Variants in TBC1D22A observed in about 807,000 individuals in gnomAD.
The protein encoded by TBC1D22A is TBC1 domain family member 22A.
In TBC1D22A, 38 loss-of-function variants were observed where a neutral mutation model predicts 60.2. That is an observed-to-expected ratio of 0.63 (90% CI 0.49 to 0.83). The LOEUF is 0.83. TBC1D22A is among the 40% of genes least tolerant of loss of function. The probability of loss-of-function intolerance (pLI) is 0.00; values close to 1 mark genes in which losing one functional copy is unlikely to be tolerated. For synonymous variants in TBC1D22A, 302 were observed against 281.7 expected, an observed-to-expected ratio of 1.07 and a Z score of -0.72; for missense variants, 628 against 701.0, an observed-to-expected ratio of 0.90 and a Z score of 1.18.
rs914915091 is a variant in TBC1D22A at position 47,100,651 on chromosome 22, A to G, written c.1330-10857A>G. On this transcript the variant is annotated intron_variant, in intron 11 of 12. Coordinates refer to ENST00000337137, the MANE Select transcript of TBC1D22A (RefSeq NM_014346.5). ...CTCTCTCCTTTTTTGGCCTGCCACC[A>G]TCCACGTAAGACGTGACTTGCTCCT... Among the ~76,000 whole-genome samples the G allele has an allele frequency of 3.3e-5, 5 of 152,208 alleles. No homozygotes were observed. In the East Asian group the frequency reaches 5.8e-4, roughly 18 times the overall value.
In TBC1D22A at chr22:46,971,571, G is replaced by A. The variant is rs556430496; in HGVS notation, c.1016-2719G>A. Among the ~76,000 whole-genome samples, 16 of 152,328 alleles carry A rather than the reference G, an allele frequency of 1.1e-4. No individual in the cohort carries two copies. In the South Asian group the frequency reaches 3.1e-3, roughly 30 times the overall value. ...TTTCCCAGGGAGGAAGTGATGCCAGGGGGAGGCCACTTACCCTCCTGTCTA... is the reference window on the plus strand; with the variant it reads ...TTTCCCAGGGAGGAAGTGATGCCAGAGGGAGGCCACTTACCCTCCTGTCTA... On this transcript the variant is annotated intron_variant, in intron 8 of 12. Coordinates refer to ENST00000337137, the MANE Select transcript of TBC1D22A (RefSeq NM_014346.5).
chr22:46,790,219 C>T (rs1001685640), intron 1 of TBC1D22A, among the ~76,000 whole-genome samples: 2 of 152,374 alleles, frequency 1.3e-5, no homozygotes, highest in East Asian at 1.9e-4. Flanking sequence ...AAGCCGCCCA[C>T]GTTCCTTGGC....
chr22:46,831,957 T>C lies in TBC1D22A; in HGVS notation c.637+34337T>C, dbSNP rs1395690069. Among the ~76,000 whole-genome samples, 3 of 151,774 alleles carry C rather than the reference T, an allele frequency of 2.0e-5. No individual in the cohort carries two copies. In the East Asian group the frequency reaches 5.8e-4, roughly 29 times the overall value. On this transcript the variant is annotated intron_variant, in intron 4 of 12. Transcript: ENST00000337137. ...GTGTTATCAATGTTGGAAGGTCCTT[T>C]CCCCCCTCATTATTATTGTATCTTT...
chr22:47,058,358 G>A (rs1569401309), intron 11 of TBC1D22A, among the ~76,000 whole-genome samples: 1 of 151,972 alleles, frequency 6.6e-6, no homozygotes, highest in African/African-American at 2.4e-5. Context: ...GATTCCACCC[G>A]CCCGACAGAA....
chr22:47,143,907 G>T lies in TBC1D22A; in HGVS notation c.1426-29591G>T, dbSNP rs539818062. Among the ~76,000 whole-genome samples, 552 of 152,338 alleles carry T rather than the reference G, an allele frequency of 3.6e-3. 1 individual carries two copies. The highest frequency in any genetic ancestry group is 6.0e-3 in the Non-Finnish European group (407 of 68,032). ...ACACCGGAAACACGTGGAGAGGTGT[G>T]CACTTACGGCAGGCCCGCTGCCTTC... On this transcript the variant is annotated intron_variant, in intron 12 of 12. Coordinates refer to ENST00000337137, the MANE Select transcript of TBC1D22A (RefSeq NM_014346.5).
At position 46,968,385 on chromosome 22, in the gene TBC1D22A, G is replaced by T. The variant is rs375325328; in HGVS notation, c.1016-5905G>T. Among the ~76,000 whole-genome samples the T allele has an allele frequency of 2.0e-5, 3 of 152,390 alleles. No individual in the cohort carries two copies. The East Asian group carries it at 5.8e-4, about 29-fold the overall frequency. On this transcript the variant is annotated intron_variant, in intron 8 of 12. Coordinates refer to ENST00000337137, the MANE Select transcript of TBC1D22A (RefSeq NM_014346.5). ...GCGCAGCGTGGCATGGACCCCACAG[G>T]GGGCTTTTGGATGGAGTGGGATCAT... is the stretch of plus-strand genomic sequence containing the variant.
At chr22:46,767,521 A>G (rs935939046) in intron 1 of TBC1D22A, among the ~76,000 whole-genome samples, 4 of 152,214 alleles carry the variant, frequency 2.6e-5, no homozygotes, top group African/African-American at 7.2e-5. Flanking sequence ...AGTGAACAAA[A>G]TAGACCTAGA....
intron 4 of TBC1D22A, among the ~76,000 whole-genome samples, chr22:46,856,380 G>T (rs190325607): frequency 4.7e-4 from 71 of 152,344 alleles, no homozygotes; most frequent in Admixed American, 1.2e-3. Context: ...AGGGGTTTGA[G>T]CTGAGTCCTG....
At chr22:46,901,736 T>A (rs1338171364) in intron 7 of TBC1D22A, among the ~76,000 whole-genome samples, 1 of 152,208 alleles carries the variant, frequency 6.6e-6, no homozygotes, top group African/African-American at 2.4e-5. Context: ...TGAATCATGT[T>A]GCAGAAACTT....
At chr22:47,019,452 G>A (rs908036857) in intron 10 of TBC1D22A, among the ~76,000 whole-genome samples, 10 of 152,218 alleles carry the variant, frequency 6.6e-5, no homozygotes, top group Admixed American at 5.9e-4. Context: ...CTGTGACAGC[G>A]AGCGTGAAGG....
intron 4 of TBC1D22A, among the ~76,000 whole-genome samples, chr22:46,834,776 C>T (rs1200313604): frequency 1.3e-5 from 2 of 152,194 alleles, no homozygotes; most frequent in Non-Finnish European, 2.9e-5. Flanking sequence ...GCAGACACCC[C>T]CACCTAGCCC....
intron 10 of TBC1D22A, among the ~76,000 whole-genome samples, chr22:47,012,336 C>T (rs994330717): frequency 1.3e-5 from 2 of 152,170 alleles, no homozygotes; most frequent in African/African-American, 2.4e-5. Context: ...GCCCTCCTGC[C>T]CCTGAGCCAT....
At chr22:46,883,181 A>T (rs189414434) in intron 5 of TBC1D22A, among the ~76,000 whole-genome samples, 3 of 152,366 alleles carry the variant, frequency 2.0e-5, no homozygotes, top group African/African-American at 7.2e-5. Context: ...AAAAATGATG[A>T]GTGAAGCTCC....
intron 11 of TBC1D22A, among the ~76,000 whole-genome samples, chr22:47,087,806 T>G (rs1333475856): frequency 6.6e-6 from 1 of 152,148 alleles, no homozygotes; most frequent in Non-Finnish European, 1.5e-5. Flanking sequence ...CCAGGCGTGG[T>G]GGCTCATGCC....
At chr22:46,888,940 G>T (rs1023197148) in intron 5 of TBC1D22A, among the ~76,000 whole-genome samples, 16 of 152,306 alleles carry the variant, frequency 1.1e-4, no homozygotes, top group Middle Eastern at 3.4e-3. Flanking sequence ...TCCTGACGTC[G>T]TGATCTGCCT....
At chr22:46,855,738 G>T (rs977058273) in intron 4 of TBC1D22A, among the ~76,000 whole-genome samples, 2 of 152,168 alleles carry the variant, frequency 1.3e-5, no homozygotes, top group Non-Finnish European at 2.9e-5. Flanking sequence ...GAGCCAGCCG[G>T]GGGGGTTGAT....
intron 6 of TBC1D22A, among the ~76,000 whole-genome samples, chr22:46,892,891 A>G (rs1336580485): frequency 6.6e-6 from 1 of 152,246 alleles, no homozygotes; most frequent in East Asian, 1.9e-4. Flanking sequence ...AATATAGATG[A>G]GACACGCCTG....
chr22:47,045,225 C>T (rs999957899), intron 11 of TBC1D22A, among the ~76,000 whole-genome samples: 2 of 152,188 alleles, frequency 1.3e-5, no homozygotes, highest in African/African-American at 4.8e-5. Context: ...CTGCGTGGCA[C>T]CTGGCTGCAC....
chr22:47,067,407 A>G (rs1157888562), intron 11 of TBC1D22A, among the ~76,000 whole-genome samples: 2 of 152,226 alleles, frequency 1.3e-5, no homozygotes, highest in African/African-American at 4.8e-5. Context: ...CATCCCGGTA[A>G]TGAAGGGGCG....
Sources: allele counts gnomAD v4.1 joint callset (sites outside exome capture counted in the v4.1 genomes callset), GRCh38; gene constraint gnomAD v4.1.1; transcripts MANE v1.5; gene names NCBI Gene and HGNC (gene_info 2026-07-23, HGNC 2026-07-21).